PTPRG: variants seen among roughly 807,000 people sequenced by gnomAD.
PTPRG encodes protein tyrosine phosphatase receptor type G.
PTPRG carries 102 observed loss-of-function variants against 165.3 expected under a neutral mutation model. The ratio of observed to expected loss-of-function variants is 0.62; its 90% CI spans 0.53 to 0.73. The LOEUF is 0.73. PTPRG is among the 30% of genes least tolerant of loss of function. The pLI, the probability that PTPRG is intolerant of heterozygous loss-of-function variation, is 0.00. For missense variants in PTPRG, 1,866 were observed against 1,861.4 expected, an observed-to-expected ratio of 1.00 and a Z score of -0.05; for synonymous variants, 675 against 669.5, an observed-to-expected ratio of 1.01 and a Z score of -0.13.
intron 1 of PTPRG, among the ~76,000 whole-genome samples, chr3:61,728,429 A>G (rs981295459): frequency 6.6e-6 from 1 of 152,118 alleles, no homozygotes; most frequent in Non-Finnish European, 1.5e-5. Context: ...AAAAAAATTA[A>G]AAAATTAGTT....
rs867889393 is a variant in PTPRG at position 61,989,525 on chromosome 3, G to A, written c.191-100G>A. Reference sequence around the variant, plus strand: ...TCAGTACATTCACCTCTTTGGATTGGGGACATGTTGAGAGATGCAGTGCTC... The same window carrying A: ...TCAGTACATTCACCTCTTTGGATTGAGGACATGTTGAGAGATGCAGTGCTC... On this transcript the variant is annotated intron_variant, in intron 2 of 29. Transcript: ENST00000474889. 19 of 1,109,304 alleles carry A rather than the reference G, an allele frequency of 1.7e-5. No individual in the cohort carries two copies. The Middle Eastern group carries it at 1.3e-3, about 74-fold the overall frequency. 68.7% of individuals were successfully genotyped at this position (1,109,304 alleles called of 1,614,324 possible).
intron 4 of PTPRG, among the ~76,000 whole-genome samples, chr3:62,052,276 T>C (rs1700491872): frequency 6.6e-6 from 1 of 152,240 alleles, no homozygotes; most frequent in Non-Finnish European, 1.5e-5. Context: ...TTAGGATGAA[T>C]ATATTGTGTT....
intron 13 of PTPRG, among the ~76,000 whole-genome samples, chr3:62,223,430 A>C (rs1700692854): frequency 6.6e-6 from 1 of 152,252 alleles, no homozygotes; most frequent in African/African-American, 2.4e-5. Context: ...TATAAAGCAC[A>C]GATTTACATA....
intron 1 of PTPRG, among the ~76,000 whole-genome samples, chr3:61,596,851 A>G (rs1393620635): frequency 5.3e-5 from 8 of 152,122 alleles, no homozygotes; most frequent in Admixed American, 4.6e-4. Context: ...GAAGTGAATA[A>G]TTGTCTCAAG....
intron 9 of PTPRG, among the ~76,000 whole-genome samples, chr3:62,192,674 G>A (rs1390557697): frequency 6.6e-6 from 1 of 151,878 alleles, no homozygotes; most frequent in Non-Finnish European, 1.5e-5. Flanking sequence ...GCCTCCCAAA[G>A]TGCTGGGATT....
chr3:62,025,430 G>A (rs774347730), intron 4 of PTPRG, among the ~76,000 whole-genome samples: 2 of 152,018 alleles, frequency 1.3e-5, no homozygotes, highest in African/African-American at 4.8e-5. Context: ...TAAATATAAT[G>A]GGAAAACCAT....
intron 1 of PTPRG, among the ~76,000 whole-genome samples, chr3:61,569,317 C>T (rs1177550415): frequency 6.6e-6 from 1 of 152,076 alleles, no homozygotes; most frequent in Non-Finnish European, 1.5e-5. Context: ...AGTTACATAC[C>T]CTCTCTGTGC....
chr3:62,211,276 G>T (rs1700351340), intron 12 of PTPRG, among the ~76,000 whole-genome samples: 1 of 152,338 alleles, frequency 6.6e-6, no homozygotes, highest in East Asian at 1.9e-4. Flanking sequence ...AGTAATACAT[G>T]ATTCCACCTA....
At chr3:62,201,686 T>C in intron 11 of PTPRG, 132 bp downstream of exon 11, 1 of 659,730 alleles carries the variant, frequency 1.5e-6, no homozygotes, top group Non-Finnish European at 2.4e-6. Context: ...AGAGAAAAAA[T>C]TACATTATTC....
At chr3:61,785,562 G>C (rs1220427431) in intron 2 of PTPRG, among the ~76,000 whole-genome samples, 1 of 152,114 alleles carries the variant, frequency 6.6e-6, no homozygotes, top group Non-Finnish European at 1.5e-5. Context: ...TTTTGCATCA[G>C]TCTTGCTCTA....
intron 1 of PTPRG, among the ~76,000 whole-genome samples, chr3:61,576,734 G>A (rs890584982): frequency 1.3e-5 from 2 of 152,044 alleles, no homozygotes; most frequent in African/African-American, 4.8e-5. Flanking sequence ...CTGCTACATG[G>A]GCAATTTTTA....
chr3:61,715,645 CT>C (rs974402479), intron 1 of PTPRG, among the ~76,000 whole-genome samples: 4 of 152,250 alleles, frequency 2.6e-5, no homozygotes, highest in Admixed American at 2.6e-4. Context: ...GTGAGTGCAG[CT>C]GGGTTGACTG....
chr3:62,098,256 T>TA (rs969007419), intron 5 of PTPRG, among the ~76,000 whole-genome samples: 30 of 150,456 alleles, frequency 2.0e-4, no homozygotes, highest in African/African-American at 5.1e-4. Flanking sequence ...TGAAAAAAAA[T>TA]AAAAAAAAAT....
At chr3:62,074,775 A>T (rs1335835757) in intron 4 of PTPRG, among the ~76,000 whole-genome samples, 1 of 152,166 alleles carries the variant, frequency 6.6e-6, no homozygotes, top group African/African-American at 2.4e-5. Context: ...TCTGGGATCT[A>T]GAGCCCAGAA....
chr3:62,269,244 C>T (rs1444646831), intron 20 of PTPRG, 75 bp downstream of exon 20: 4 of 1,390,508 alleles, frequency 2.9e-6, no homozygotes, highest in Non-Finnish European at 3.8e-6. Context: ...ACAACCAAGG[C>T]CAAATCTCAT....
intron 1 of PTPRG, among the ~76,000 whole-genome samples, chr3:61,642,735 T>C (rs1390418613): frequency 2.6e-5 from 4 of 152,220 alleles, no homozygotes; most frequent in Admixed American, 1.3e-4. Context: ...AGTGTCTGTA[T>C]TTTTAAAATT....
At chr3:61,661,327 T>A in intron 1 of PTPRG, among the ~76,000 whole-genome samples, 1 of 152,156 alleles carries the variant, frequency 6.6e-6, no homozygotes, top group Non-Finnish European at 1.5e-5. Context: ...TTCCTTTTTT[T>A]TTTTTAAATT....
intron 2 of PTPRG, among the ~76,000 whole-genome samples, chr3:61,842,233 A>C (rs2036658856): frequency 6.6e-6 from 1 of 152,216 alleles, no homozygotes; most frequent in African/African-American, 2.4e-5. Context: ...TTCTATGTGC[A>C]TCCATCACTC....
At chr3:62,131,020 T>C (rs1359311034) in intron 5 of PTPRG, among the ~76,000 whole-genome samples, 1 of 152,184 alleles carries the variant, frequency 6.6e-6, no homozygotes, top group Admixed American at 6.5e-5. Flanking sequence ...ATCCTGTGTT[T>C]AGTAGCACCT....
Sources: gnomAD v4.1 joint callset for allele counts (sites outside exome capture counted in the v4.1 genomes callset) on GRCh38, gnomAD v4.1.1 for gene constraint, MANE v1.5 for transcripts, NCBI Gene and HGNC (gene_info 2026-07-23, HGNC 2026-07-21) for gene names.